Variants in DMD observed in about 807,000 individuals in gnomAD.
DMD encodes mutant dystrophin.
In DMD, 63 loss-of-function variants were observed where a neutral mutation model predicts 330.1. That is an observed-to-expected ratio of 0.19 (90% confidence interval 0.16 to 0.24). The LOEUF (loss-of-function observed/expected upper bound fraction) is 0.24, where lower values mean the gene tolerates loss of function less well. DMD is among the 10% of genes least tolerant of loss of function. The probability of loss-of-function intolerance (pLI) is 1.00; values close to 1 mark genes in which losing one functional copy is unlikely to be tolerated. For synonymous variants in DMD, 1,223 were observed against 959.8 expected, an observed-to-expected ratio of 1.27 and a Z score of -5.07; for missense variants, 3,344 against 2,684.1, an observed-to-expected ratio of 1.25 and a Z score of -5.43.
At chrX:32,076,984 G>A (rs1470039999) in intron 44 of DMD, among the ~76,000 whole-genome samples, 1 of 112,156 alleles carries the variant, frequency 8.9e-6, no homozygotes, top group African/African-American at 3.2e-5. Context: ...GTCTAAGCTT[G>A]TGGCAAAGAG....
At chrX:32,646,491 C>T (rs1047593507) in intron 9 of DMD, among the ~76,000 whole-genome samples, 1 of 110,973 alleles carries the variant, frequency 9.0e-6, no homozygotes, top group Admixed American at 9.6e-5. Flanking sequence ...AAGCACGGGG[C>T]CCCCTAACAA....
At chrX:32,525,039 T>C (rs761219586) in intron 17 of DMD, among the ~76,000 whole-genome samples, 1 of 112,167 alleles carries the variant, frequency 8.9e-6, no homozygotes, top group African/African-American at 3.2e-5. Flanking sequence ...TTCTCACCTG[T>C]TGGAGTTCTT....
intron 3 of DMD, among the ~76,000 whole-genome samples, chrX:32,846,723 TAAAAAAAAAAAA>T (rs10564725): frequency 3.7e-5 from 2 of 53,585 alleles, no homozygotes; most frequent in Non-Finnish European, 6.7e-5. Flanking sequence ...ACTTTAGATT[TAAAAAAAAAAAA>T]AAAAAAAAAA....
At chrX:31,764,529 G>A (rs191136128) in intron 51 of DMD, among the ~76,000 whole-genome samples, 1 of 111,876 alleles carries the variant, frequency 8.9e-6, no homozygotes, top group East Asian at 2.8e-4. Context: ...ATGGGATTAA[G>A]AGTAAATTAC....
At chrX:31,797,559 A>T (rs1395526825) in intron 50 of DMD, among the ~76,000 whole-genome samples, 1 of 112,295 alleles carries the variant, frequency 8.9e-6, no homozygotes, top group Admixed American at 9.5e-5. Flanking sequence ...ATATTTACCA[A>T]GAATGTTAGG....
intron 47 of DMD, among the ~76,000 whole-genome samples, chrX:31,916,855 C>A (rs985886735): frequency 8.9e-6 from 1 of 112,121 alleles, no homozygotes; most frequent in Non-Finnish European, 1.9e-5. Context: ...GTTATGAACC[C>A]CACAACGATC....
At chrX:31,190,255 C>T (rs2042187217) in intron 67 of DMD, among the ~76,000 whole-genome samples, 2 of 111,589 alleles carry the variant, frequency 1.8e-5, no homozygotes, top group Non-Finnish European at 3.8e-5. Flanking sequence ...TAGAGGGAAA[C>T]TTTTATTGGT....
chrX:31,616,390 G>C (rs1056460553), intron 55 of DMD, among the ~76,000 whole-genome samples: 2 of 111,716 alleles, frequency 1.8e-5, no homozygotes, highest in Non-Finnish European at 3.8e-5. Flanking sequence ...AAGCTGGCTA[G>C]CTGTTCATTT....
chrX:32,683,743 T>C (rs1277696801), intron 9 of DMD, among the ~76,000 whole-genome samples: 3 of 104,920 alleles, frequency 2.9e-5, no homozygotes, highest in African/African-American at 7.0e-5. Context: ...TGTATACATA[T>C]GTAACTAACC....
intron 16 of DMD, among the ~76,000 whole-genome samples, chrX:32,554,838 G>GA (rs2050014082): frequency 2.0e-4 from 2 of 9,962 alleles, no homozygotes; most frequent in Non-Finnish European, 3.4e-4. Flanking sequence ...GAGGGAGAGA[G>GA]AGAGAGAGAG....
intron 43 of DMD, among the ~76,000 whole-genome samples, chrX:32,281,143 C>A (rs2097419422): frequency 8.9e-6 from 1 of 112,135 alleles, no homozygotes; most frequent in Non-Finnish European, 1.9e-5. Flanking sequence ...CCTGGGGAAG[C>A]AGCTTCCAAC....
intron 61 of DMD, among the ~76,000 whole-genome samples, chrX:31,336,194 A>G (rs887497456): frequency 6.2e-5 from 7 of 112,760 alleles, no homozygotes. Flanking sequence ...AGTGTTCCAC[A>G]TGACTTTCAT....
chrX:31,154,976 A>ATGTAGATATATCTGATT (rs1392123173), intron 74 of DMD, among the ~76,000 whole-genome samples: 2 of 112,130 alleles, frequency 1.8e-5, no homozygotes, highest in Non-Finnish European at 3.8e-5. Flanking sequence ...TTCTACAAAT[A>ATGTAGATATATCTGATT]TGTAGATATA....
At chrX:31,890,346 CA>C in intron 47 of DMD, among the ~76,000 whole-genome samples, 1 of 48,920 alleles carries the variant, frequency 2.0e-5, no homozygotes, top group South Asian at 7.1e-4. Context: ...ATTGTTGTTT[CA>C]AAAAAAACAA....
At chrX:31,481,720 G>C (rs1280429760) in intron 57 of DMD, among the ~76,000 whole-genome samples, 1 of 111,972 alleles carries the variant, frequency 8.9e-6, no homozygotes, top group African/African-American at 3.3e-5. Context: ...TCTGATCCAA[G>C]AGGGTCAAAC....
chrX:32,228,730 T>A (rs2097156987), intron 43 of DMD, among the ~76,000 whole-genome samples: 1 of 111,823 alleles, frequency 8.9e-6, no homozygotes. Flanking sequence ...GAAGAGGATA[T>A]GGTGTTAGAC....
chrX:32,850,303 A>G (rs7066640), intron 2 of DMD, among the ~76,000 whole-genome samples: 1,829 of 111,950 alleles, frequency 0.016, 41 homozygotes, highest in African/African-American at 0.057. Context: ...GCTATGACCT[A>G]TTCTCATACT....
chrX:33,212,162 T>C (rs772418229), upstream of DMD, among the ~76,000 whole-genome samples: 2 of 112,630 alleles, frequency 1.8e-5, no homozygotes, highest in Admixed American at 9.4e-5. Context: ...AATACTCTTA[T>C]AATGCAGGAA....
At chrX:31,529,740 C>T (rs1489791480) in intron 55 of DMD, among the ~76,000 whole-genome samples, 1 of 111,785 alleles carries the variant, frequency 8.9e-6, no homozygotes, top group African/African-American at 3.3e-5. Flanking sequence ...TAAACACCTT[C>T]GGTTCTGTTT....
Sources: allele counts gnomAD v4.1 joint callset (sites outside exome capture counted in the v4.1 genomes callset), GRCh38; gene constraint gnomAD v4.1.1; transcripts MANE v1.5; gene names NCBI Gene and HGNC (gene_info 2026-07-23, HGNC 2026-07-21).